Variants in CPNE4 observed in about 807,000 individuals in gnomAD.
The protein encoded by CPNE4 is copine-4.
A neutral mutation model predicts 67.9 loss-of-function variants in CPNE4; 25 were observed. The ratio of observed to expected loss-of-function variants is 0.37; its 90% CI spans 0.27 to 0.51. The LOEUF is 0.51. Ranked by LOEUF, CPNE4 falls within the 20% of genes least tolerant of loss-of-function variation. CPNE4 has a pLI of 0.93. For missense variants in CPNE4, 464 were observed against 690.8 expected (o/e 0.67, Z 3.68); for synonymous variants, 242 against 244.9 (o/e 0.99, Z 0.11).
intron 1 of CPNE4, among the ~76,000 whole-genome samples, chr3:132,008,556 C>A (rs986045180): frequency 2.0e-5 from 3 of 152,044 alleles, no homozygotes; most frequent in Non-Finnish European, 4.4e-5. Context: ...GCCAGAAGCC[C>A]CATGATGTTT....
chr3:131,881,317 T>C (rs1255135155), intron 2 of CPNE4, among the ~76,000 whole-genome samples: 1 of 152,202 alleles, frequency 6.6e-6, no homozygotes, highest in African/African-American at 2.4e-5. Context: ...AGGTACTCAA[T>C]CATAGAATTG....
At chr3:131,935,538 A>T (rs1258915804) in intron 1 of CPNE4, among the ~76,000 whole-genome samples, 1 of 152,146 alleles carries the variant, frequency 6.6e-6, no homozygotes, top group Non-Finnish European at 1.5e-5. Flanking sequence ...GGAGCCAAGA[A>T]AATGTGAGGC....
intron 2 of CPNE4, among the ~76,000 whole-genome samples, chr3:131,829,301 G>A (rs1470368959): frequency 6.6e-6 from 1 of 152,118 alleles, no homozygotes; most frequent in Non-Finnish European, 1.5e-5. Context: ...TTTGGTTAAT[G>A]GTATGTTTCT....
chr3:131,878,489 G>T (rs769566268), intron 2 of CPNE4, among the ~76,000 whole-genome samples: 4 of 152,160 alleles, frequency 2.6e-5, no homozygotes, highest in African/African-American at 4.8e-5. Flanking sequence ...AAACAGAAGA[G>T]GCAAAAGAGG....
chr3:131,540,182 ACT>A (rs1419697781), intron 15 of CPNE4, among the ~76,000 whole-genome samples: 1 of 151,044 alleles, frequency 6.6e-6, no homozygotes, highest in Non-Finnish European at 1.5e-5. Context: ...TTACTTAGAA[ACT>A]CTCTCTGTGA....
At chr3:131,951,024 G>T (rs540045252) in intron 1 of CPNE4, among the ~76,000 whole-genome samples, 1 of 152,128 alleles carries the variant, frequency 6.6e-6, no homozygotes, top group African/African-American at 2.4e-5. Flanking sequence ...GCTATCCTTG[G>T]TCAACTACTT....
At chr3:131,589,988 G>A (rs1237109395) in intron 7 of CPNE4, among the ~76,000 whole-genome samples, 1 of 152,208 alleles carries the variant, frequency 6.6e-6, no homozygotes, top group East Asian at 1.9e-4. Flanking sequence ...TTTCCTCAGA[G>A]GGCTGAAGAT....
intron 1 of CPNE4, among the ~76,000 whole-genome samples, chr3:131,941,942 T>C (rs2071400804): frequency 6.6e-6 from 1 of 152,042 alleles, no homozygotes; most frequent in African/African-American, 2.4e-5. Context: ...TACTAGAATG[T>C]TTATTATGTA....
chr3:131,907,038 G>C (rs980111976), intron 1 of CPNE4, among the ~76,000 whole-genome samples: 4 of 151,938 alleles, frequency 2.6e-5, no homozygotes, highest in Admixed American at 2.0e-4. Context: ...CATCAAAAAG[G>C]GGGGGAAGGA....
At chr3:131,678,367 C>A (rs768901695) in intron 6 of CPNE4, among the ~76,000 whole-genome samples, 15 of 152,284 alleles carry the variant, frequency 9.9e-5, no homozygotes, top group Non-Finnish European at 1.9e-4. Context: ...GATATAGGAT[C>A]ATGTCATCTG....
At chr3:132,020,348 G>A (rs531372616) in intron 1 of CPNE4, among the ~76,000 whole-genome samples, 1 of 152,336 alleles carries the variant, frequency 6.6e-6, no homozygotes, top group East Asian at 1.9e-4. Flanking sequence ...TGTGGAGGCT[G>A]AGGCTGGGGC....
At chr3:132,039,171 TTGAGA>T (rs372769885), upstream of CPNE4, among the ~76,000 whole-genome samples, 76 of 152,316 alleles carry the variant, frequency 5.0e-4, no homozygotes, top group African/African-American at 1.8e-3. Flanking sequence ...GATCTAGCCA[TTGAGA>T]TGAGATGTCA....
chr3:131,965,691 T>C (rs1422959074), intron 1 of CPNE4, among the ~76,000 whole-genome samples: 3 of 152,184 alleles, frequency 2.0e-5, no homozygotes, highest in African/African-American at 7.2e-5. Flanking sequence ...TAAATATATA[T>C]GCACCCAATA....
intron 1 of CPNE4, among the ~76,000 whole-genome samples, chr3:131,932,848 T>C (rs2071110317): frequency 6.6e-6 from 1 of 152,206 alleles, no homozygotes; most frequent in East Asian, 1.9e-4. Context: ...TGAAATACCA[T>C]CTCTACTAAG....
chr3:131,578,627 A>G (rs1937613910), intron 9 of CPNE4, among the ~76,000 whole-genome samples: 1 of 152,210 alleles, frequency 6.6e-6, no homozygotes, highest in Non-Finnish European at 1.5e-5. Context: ...AATGCAAAGT[A>G]AAAGTTCTTG....
chr3:131,831,599 C>T (rs191863671), intron 2 of CPNE4, among the ~76,000 whole-genome samples: 9 of 152,140 alleles, frequency 5.9e-5, no homozygotes, highest in Admixed American at 2.6e-4. Context: ...AAATGAAGAA[C>T]ACAAAAATGT....
intron 1 of CPNE4, among the ~76,000 whole-genome samples, chr3:131,954,310 G>C (rs1386314029): frequency 2.0e-5 from 3 of 152,118 alleles, no homozygotes; most frequent in Non-Finnish European, 4.4e-5. Flanking sequence ...GAATGCTCAA[G>C]TTGAGAGAGA....
chr3:132,000,629 G>GAAGAAA (rs2073408497), intron 1 of CPNE4, among the ~76,000 whole-genome samples: 1 of 151,782 alleles, frequency 6.6e-6, no homozygotes, highest in Non-Finnish European at 1.5e-5. Context: ...TTCTCATTGA[G>GAAGAAA]AAGAAAATTC....
chr3:131,681,932 GT>G (rs1362981576), intron 6 of CPNE4, among the ~76,000 whole-genome samples: 2 of 151,752 alleles, frequency 1.3e-5, no homozygotes, highest in African/African-American at 4.8e-5. Context: ...ACCTTATATA[GT>G]GTGTCATTTG....
Sources: gnomAD v4.1 joint callset for allele counts (sites outside exome capture counted in the v4.1 genomes callset) on GRCh38, gnomAD v4.1.1 for gene constraint, MANE v1.5 for transcripts, NCBI Gene and HGNC (gene_info 2026-07-23, HGNC 2026-07-21) for gene names.